NBPF26: variants seen among roughly 807,000 people sequenced by gnomAD.
NBPF26 encodes NBPF family member NBPF26.
In NBPF26, 79 loss-of-function variants were observed where a neutral mutation model predicts 119.6. The ratio of observed to expected loss-of-function variants is 0.66; its 90% CI spans 0.55 to 0.80. NBPF26 has a LOEUF of 0.80. Ranked by LOEUF, NBPF26 falls within the 30% of genes least tolerant of loss-of-function variation. NBPF26 has a pLI of 0.00. For synonymous variants in NBPF26, 299 were observed against 457.7 expected (o/e 0.65, Z 4.43); for missense variants, 800 against 1,198.2 (o/e 0.67, Z 4.91).
At chr1:120,812,153 G>C in intron 10 of NBPF26, 58 bp downstream of exon 10, 1 of 992,048 alleles carries the variant, frequency 1.0e-6, no homozygotes, top group East Asian at 2.4e-5. Flanking sequence ...TCTTCTCTCT[G>C]AGACACTAAA....
chr1:120,754,859 G>T (rs1159323920), intron 1 of NBPF26, among the ~76,000 whole-genome samples: 1 of 121,898 alleles, frequency 8.2e-6, no homozygotes, highest in South Asian at 2.5e-4. Flanking sequence ...CTTGTTAAAG[G>T]CCTGGAAATT....
chr1:120,801,942 T>C lies in NBPF26; in HGVS notation c.752-3614T>C. ...TAGATGAAAGAAGTTAAATTCCAGT[T>C]CTCCTTTTTTCAGAAATGAGGTATA... On this transcript the variant is annotated intron_variant, in intron 4 of 29. Coordinates refer to ENST00000620612, the Ensembl canonical transcript of NBPF26. 1.8e-5 allele frequency among the ~76,000 whole-genome samples: 2 copies of C among 109,626 alleles called. 1 individual carries two copies. The highest frequency in any genetic ancestry group is 3.4e-5 in the Non-Finnish European group (2 of 58,210). 71.9% of individuals were successfully genotyped at this position (109,626 alleles called of 152,430 possible).
chr1:120,790,710 G>C (rs1448893852), intron 3 of NBPF26, among the ~76,000 whole-genome samples: 1 of 109,710 alleles, frequency 9.1e-6, no homozygotes, highest in Non-Finnish European at 1.7e-5. Context: ...AGTGATTCTT[G>C]TGCCTCAGCC....
At position 120,833,399 on chromosome 1, in the gene NBPF26, C is replaced by T. The variant is rs1230267988; in HGVS notation, c.3372-204C>T. ...TCTCTGTCTCTCTCTCTGTCTCTGT[C>T]TCTCTCTCTCTCTGTCTTTCTCTTT... On this transcript the variant is annotated intron_variant, in intron 23 of 29. Coordinates refer to ENST00000620612, the Ensembl canonical transcript of NBPF26. Among the ~76,000 whole-genome samples the T allele has an allele frequency of 3.9e-5, 3 of 77,712 alleles. No individual in the cohort carries two copies. The South Asian group carries it at 1.4e-3, about 36-fold the overall frequency. 51.0% of individuals were successfully genotyped at this position (77,712 alleles called of 152,430 possible). A position where few individuals can be genotyped will look rare whatever the true frequency, so the allele number is the denominator to read the frequency against.
rs1414193226 is a variant in NBPF26 at position 120,817,885 on chromosome 1, A to G, written c.2372-238A>G. Among the ~76,000 whole-genome samples, 44 of 112,830 alleles carry G rather than the reference A, an allele frequency of 3.9e-4. 6 individuals are homozygous for G. Among genetic ancestry groups the G allele is most frequent in the African/African-American group, 1.8e-3 (33 of 18,452 alleles). 74.0% of individuals were successfully genotyped at this position (112,830 alleles called of 152,430 possible). ...AAAAATTTTGTTTAACTTTGACTCA[A>G]GCAGGGAATATGGCATTATGGTCTA... On this transcript the variant is annotated intron_variant, in intron 14 of 29. Coordinates refer to ENST00000620612, the Ensembl canonical transcript of NBPF26.
intron 1 of NBPF26, among the ~76,000 whole-genome samples, chr1:120,737,596 G>T (rs1324153186): frequency 2.6e-5 from 2 of 77,672 alleles, no homozygotes; most frequent in East Asian, 3.0e-4. Context: ...AGTAGAAAGG[G>T]TGTTGGGATG....
rs1651479090 is a variant in NBPF26, at chr1:120,790,577, T to TTTCTTTCG, written c.416-2577_416-2576insGTTCTTTC. Among the ~76,000 whole-genome samples the TTTCTTTCG allele has an allele frequency of 4.7e-5, 5 of 107,216 alleles. 1 individual carries two copies. Among genetic ancestry groups the TTTCTTTCG allele is most frequent in the Non-Finnish European group, 1.7e-5 (1 of 57,612 alleles). 70.3% of individuals were successfully genotyped at this position (107,216 alleles called of 152,430 possible). On this transcript the variant is annotated intron_variant, in intron 3 of 29. Coordinates refer to ENST00000620612, the Ensembl canonical transcript of NBPF26. ...CTTTCTTTCTTTCTTTCTTTCTTTC[T>TTTCTTTCG]TTCTTTCTTTCTTTCTCTTTCTCTC...
At chr1:120,783,874 G>A (rs1651393529) in intron 2 of NBPF26, among the ~76,000 whole-genome samples, 1 of 106,374 alleles carries the variant, frequency 9.4e-6, no homozygotes, top group Non-Finnish European at 1.8e-5. Context: ...GGAGTGGTTA[G>A]CAATTCTCCC....
At chr1:120,726,173 T>G (rs1650812840) in intron 1 of NBPF26, among the ~76,000 whole-genome samples, 1 of 97,668 alleles carries the variant, frequency 1.0e-5, no homozygotes, top group Non-Finnish European at 1.9e-5. Context: ...CATAAAACTA[T>G]GCCCTCCACC....
chr1:120,790,541 T>TCCC lies in NBPF26; in HGVS notation c.416-2620_416-2619insCCC, dbSNP rs1651476767. Reference sequence around the variant, plus strand: ...CTTTCTTTCTTTCTCCCTCCCTTTCTTTCTTTCTTTCTTTCTTTCTTTCTT... The same window carrying TCCC: ...CTTTCTTTCTTTCTCCCTCCCTTTCTCCCTTCTTTCTTTCTTTCTTTCTTTCTT... On this transcript the variant is annotated intron_variant, in intron 3 of 29. Transcript: ENST00000620612. 3.7e-5 allele frequency among the ~76,000 whole-genome samples: 3 copies of TCCC among 80,798 alleles called. 1 individual carries two copies. Among genetic ancestry groups the TCCC allele is most frequent in the African/African-American group, 8.9e-5 (1 of 11,210 alleles). 53.0% of individuals were successfully genotyped at this position (80,798 alleles called of 152,430 possible).
intron 10 of NBPF26, among the ~76,000 whole-genome samples, chr1:120,812,863 C>T (rs1651902394): frequency 9.1e-6 from 1 of 110,018 alleles, no homozygotes. Flanking sequence ...GCTGAGGTTG[C>T]AGTGAGCCAA....
chr1:120,805,327 T>A, intron 4 of NBPF26: 1 of 1,031,388 alleles, frequency 9.7e-7, no homozygotes, highest in Non-Finnish European at 1.4e-6. Flanking sequence ...GGCCACATTC[T>A]GCCTCACTCT....
In NBPF26 at chr1:120,756,018, A is replaced by T. The variant is rs1230193655; in HGVS notation, c.74-7610A>T. Among the ~76,000 whole-genome samples the T allele has an allele frequency of 1.8e-5, 2 of 112,650 alleles. 1 individual carries two copies. Among genetic ancestry groups the T allele is most frequent in the Admixed American group, 1.7e-4 (2 of 11,690 alleles). The allele number at this position is 112,650 out of a possible 152,430, so 73.9% of individuals were successfully genotyped here. On this transcript the variant is annotated intron_variant, in intron 1 of 29. Transcript: ENST00000620612. ...TGTTTCTCCACTTCGTTTTTATTTAAATGTACCACTTGGGATTTGAAGCTT... is the reference window on the plus strand; with the variant it reads ...TGTTTCTCCACTTCGTTTTTATTTATATGTACCACTTGGGATTTGAAGCTT...
rs1301085202 is a variant in NBPF26 at position 120,767,973 on chromosome 1, A to G, written c.155+4264A>G. ...CTATCAACTGCTCCTTCTTTGGACC[A>G]TGGGTATGACTTCCCTTTACTTTAC... On this transcript the variant is annotated intron_variant, in intron 2 of 29. Transcript: ENST00000620612. 1.7e-5 allele frequency among the ~76,000 whole-genome samples: 2 copies of G among 116,884 alleles called. 1 individual carries two copies. The highest frequency in any genetic ancestry group is 3.3e-5 in the Non-Finnish European group (2 of 61,030). The allele number at this position is 116,884 out of a possible 152,430, so 76.7% of individuals were successfully genotyped here. A position where few individuals can be genotyped will look rare whatever the true frequency, so the allele number is the denominator to read the frequency against.
At chr1:120,778,189 G>A (rs1202265406) in intron 2 of NBPF26, among the ~76,000 whole-genome samples, 4 of 74,464 alleles carry the variant, frequency 5.4e-5, no homozygotes, top group Admixed American at 1.3e-4. Flanking sequence ...GTTACTGACC[G>A]ATGCTTAATT....
chr1:120,813,174 AG>A (rs1651916047), intron 10 of NBPF26, among the ~76,000 whole-genome samples: 1 of 120,918 alleles, frequency 8.3e-6, no homozygotes, highest in South Asian at 2.4e-4. Context: ...ACCTGTTCAG[AG>A]GGTACTACAA....
chr1:120,816,629 C>T lies in NBPF26; in HGVS notation c.2173C>T (p.Gln725Ter), dbSNP rs1553271774. ...TCCCACCTGGCTCATCAGGGAGATG[C>T]AGAAGGCTGAAGAAAAGGAAGTCCC... The change falls in exon 14 of 30, where the codon CAG becomes TAG. Residue 725 changes from glutamine to a stop codon, truncating the protein, a stop_gained. Transcript: ENST00000620612. LOFTEE classifies it high-confidence loss of function. 6.4e-5 allele frequency: 66 copies of T among 1,032,416 alleles called. 5 individuals carry two copies. The highest frequency in any genetic ancestry group is 2.9e-4 in the Middle Eastern group (1 of 3,404). 64.0% of individuals were successfully genotyped at this position (1,032,416 alleles called of 1,614,324 possible). A position where few individuals can be genotyped will look rare whatever the true frequency, so the allele number is the denominator to read the frequency against.
At chr1:120,743,884 A>G (rs1371325894) in intron 1 of NBPF26, among the ~76,000 whole-genome samples, 1 of 116,998 alleles carries the variant, frequency 8.5e-6, no homozygotes, top group Non-Finnish European at 1.7e-5. Context: ...TGGTTGTTTC[A>G]GAGAGTTTGC....
chr1:120,801,826 CAAAAAAAA>C (rs1168359637), intron 4 of NBPF26, among the ~76,000 whole-genome samples: 2 of 9,078 alleles, frequency 2.2e-4, no homozygotes, highest in Non-Finnish European at 3.1e-4. Context: ...GACCCTGTCT[CAAAAAAAA>C]AAAAAAAAAA....
Sources: allele counts gnomAD v4.1 joint callset (sites outside exome capture counted in the v4.1 genomes callset), GRCh38; gene constraint gnomAD v4.1.1; transcripts MANE v1.5; gene names NCBI Gene and HGNC (gene_info 2026-07-23, HGNC 2026-07-21).